Variants in POU2F3 observed in about 807,000 individuals in gnomAD.
POU2F3 encodes POU domain, class 2, transcription factor 3.
Under a neutral mutation model 59.2 loss-of-function variants are expected in POU2F3, and 23 were observed. That is an observed-to-expected ratio of 0.39 (90% CI 0.28 to 0.55). The LOEUF (loss-of-function observed/expected upper bound fraction) is 0.55. Ranked by LOEUF, POU2F3 falls within the 20% of genes least tolerant of loss-of-function variation. The pLI is 0.66. For missense variants in POU2F3, 473 were observed against 544.5 expected (o/e 0.87, Z 1.31); for synonymous variants, 190 against 214.6 (o/e 0.89, Z 1.00).
chr11:120,313,002 C>T (rs1309866752), intron 10 of POU2F3, among the ~76,000 whole-genome samples: 1 of 152,026 alleles, frequency 6.6e-6, no homozygotes, highest in Non-Finnish European at 1.5e-5. Context: ...AGGAAAGAAG[C>T]ACAGAAGGCC....
At chr11:120,317,109 G>A in intron 11 of POU2F3, 120 bp from the exon 12 acceptor site, 2 of 1,210,802 alleles carry the variant, frequency 1.7e-6, no homozygotes, top group South Asian at 1.3e-5. Context: ...GTGTGGCTAG[G>A]GAGAGGGTGA....
chr11:120,262,352 AT>A (rs1939635425), intron 2 of POU2F3, among the ~76,000 whole-genome samples: 1 of 152,184 alleles, frequency 6.6e-6, no homozygotes, highest in Non-Finnish European at 1.5e-5. Context: ...TATTCTGGAC[AT>A]TTTTAAACAA....
chr11:120,238,864 A>T (rs149421380), upstream of POU2F3, among the ~76,000 whole-genome samples: 2 of 150,004 alleles, frequency 1.3e-5, no homozygotes, highest in Non-Finnish European at 1.5e-5. Flanking sequence ...AAGAACACGG[A>T]ACTTAAACTC....
At chr11:120,300,776 A>AAG (rs66899993) in intron 5 of POU2F3, 63 of 255,898 alleles carry the variant, frequency 2.5e-4, no homozygotes, top group African/African-American at 7.1e-4. Flanking sequence ...AAAAAAAAAA[A>AAG]TAATGGAGGA....
chr11:120,244,833 C>T (rs1163702785), intron 1 of POU2F3, among the ~76,000 whole-genome samples: 4 of 152,018 alleles, frequency 2.6e-5, no homozygotes, highest in Non-Finnish European at 5.9e-5. Flanking sequence ...TGTGTCTGGG[C>T]GGTCCATAGT....
intron 2 of POU2F3, among the ~76,000 whole-genome samples, chr11:120,253,364 A>G (rs1035871064): frequency 7.3e-5 from 11 of 151,478 alleles, no homozygotes; most frequent in African/African-American, 2.7e-4. Context: ...GGTTCAAGCG[A>G]TTCTCCTGCC....
chr11:120,276,937 C>T (rs1216318290), intron 3 of POU2F3, among the ~76,000 whole-genome samples: 1 of 152,050 alleles, frequency 6.6e-6, no homozygotes, highest in African/African-American at 2.4e-5. Flanking sequence ...CACCTGAGGT[C>T]AGGAGTTCAA....
At chr11:120,314,394 C>T (rs1402872753) in intron 10 of POU2F3, among the ~76,000 whole-genome samples, 2 of 152,086 alleles carry the variant, frequency 1.3e-5, no homozygotes, top group East Asian at 1.9e-4. Context: ...AAAGAAGAGT[C>T]GAATAACATC....
At chr11:120,251,872 G>A (rs1251763208) in intron 2 of POU2F3, among the ~76,000 whole-genome samples, 1 of 139,424 alleles carries the variant, frequency 7.2e-6, no homozygotes, top group African/African-American at 2.7e-5. Flanking sequence ...TCAGCTCACT[G>A]CAACCTCTGC....
At chr11:120,236,729 C>A (rs563046415), upstream of POU2F3, 4 of 1,461,662 alleles carry the variant, frequency 2.7e-6, no homozygotes, top group East Asian at 2.5e-5. Flanking sequence ...CTCTACGTTC[C>A]CATTCTAGCT....
intron 2 of POU2F3, among the ~76,000 whole-genome samples, chr11:120,249,470 A>T (rs1939010310): frequency 6.6e-6 from 1 of 152,140 alleles, no homozygotes; most frequent in Non-Finnish European, 1.5e-5. Context: ...TCTGCCTCCC[A>T]GGTAGCTGGG....
chr11:120,270,794 C>T (rs748186197), intron 3 of POU2F3, among the ~76,000 whole-genome samples: 2 of 152,122 alleles, frequency 1.3e-5, no homozygotes, highest in Non-Finnish European at 2.9e-5. Context: ...TGGGGCTCAA[C>T]CAATCCTCCC....
At chr11:120,237,192 G>C (rs2135106773), upstream of POU2F3, among the ~76,000 whole-genome samples, 1 of 152,242 alleles carries the variant, frequency 6.6e-6, no homozygotes, top group African/African-American at 2.4e-5. Flanking sequence ...CATCTAAAGT[G>C]GCACTGACTA....
At chr11:120,236,942 C>T (rs1938520198), upstream of POU2F3, among the ~76,000 whole-genome samples, 1 of 152,204 alleles carries the variant, frequency 6.6e-6, no homozygotes, top group Admixed American at 6.5e-5. Flanking sequence ...GTAAGTCCCC[C>T]TCCTTGTGGG....
At chr11:120,287,264 T>A (rs1178429250) in intron 3 of POU2F3, among the ~76,000 whole-genome samples, 5 of 152,214 alleles carry the variant, frequency 3.3e-5, no homozygotes, top group African/African-American at 1.2e-4. Context: ...GGGAAATCAT[T>A]TGACTTCTCT....
intron 3 of POU2F3, among the ~76,000 whole-genome samples, chr11:120,293,644 G>A (rs1201276300): frequency 1.3e-5 from 2 of 152,134 alleles, no homozygotes; most frequent in African/African-American, 4.8e-5. Flanking sequence ...CAACAGCTTT[G>A]ATCATTTTCA....
intron 2 of POU2F3, among the ~76,000 whole-genome samples, chr11:120,267,264 G>A (rs1939865578): frequency 6.6e-6 from 1 of 151,960 alleles, no homozygotes; most frequent in Non-Finnish European, 1.5e-5. Flanking sequence ...GAATAGCTGG[G>A]ACTACAGGTG....
At chr11:120,262,060 T>G (rs1939620875) in intron 2 of POU2F3, among the ~76,000 whole-genome samples, 3 of 152,248 alleles carry the variant, frequency 2.0e-5, no homozygotes, top group Admixed American at 2.0e-4. Context: ...AGGCTAAGCC[T>G]GCTTCACTTC....
chr11:120,310,402 A>G (rs1941622311), intron 10 of POU2F3, among the ~76,000 whole-genome samples: 2 of 152,194 alleles, frequency 1.3e-5, no homozygotes, highest in South Asian at 4.1e-4. Flanking sequence ...GAAAAAAACT[A>G]AGAATTTGGG....
Sources: gnomAD v4.1 joint callset for allele counts (sites outside exome capture counted in the v4.1 genomes callset) on GRCh38, gnomAD v4.1.1 for gene constraint, MANE v1.5 for transcripts, NCBI Gene and HGNC (gene_info 2026-07-23, HGNC 2026-07-21) for gene names.